Variants in DLG2 observed in about 807,000 individuals in gnomAD.
DLG2 encodes the protein disks large homolog 2.
DLG2 carries 45 observed loss-of-function variants against 132.5 expected under a neutral mutation model. That is an observed-to-expected ratio of 0.34 (90% confidence interval 0.27 to 0.44). The LOEUF (loss-of-function observed/expected upper bound fraction) is 0.44, where lower values mean the gene tolerates loss of function less well. Among genes scored for constraint, DLG2 ranks in the 20% least tolerant of loss-of-function variants. The probability of loss-of-function intolerance (pLI) is 1.00; values close to 1 mark genes in which losing one functional copy is unlikely to be tolerated. For synonymous variants in DLG2, 424 were observed against 419.6 expected, an observed-to-expected ratio of 1.01 and a Z score of -0.13; for missense variants, 1,045 against 1,196.9, an observed-to-expected ratio of 0.87 and a Z score of 1.87.
chr11:85,234,608 C>T (rs896678959), intron 4 of DLG2, among the ~76,000 whole-genome samples: 2 of 151,980 alleles, frequency 1.3e-5, no homozygotes, highest in South Asian at 4.1e-4. Flanking sequence ...TAATTTTCTC[C>T]ACTCTTTCTG....
intron 6 of DLG2, among the ~76,000 whole-genome samples, chr11:84,841,487 C>A (rs1022517936): frequency 3.9e-5 from 6 of 152,054 alleles, no homozygotes; most frequent in South Asian, 4.2e-4. Flanking sequence ...AAAAATTAAA[C>A]ATTACTCTGA....
chr11:85,291,855 G>A (rs967353456), intron 3 of DLG2, among the ~76,000 whole-genome samples: 22 of 152,044 alleles, frequency 1.4e-4, no homozygotes, highest in African/African-American at 5.3e-4. Context: ...AAAGTGCTGG[G>A]ATTACAGGCA....
intron 5 of DLG2, among the ~76,000 whole-genome samples, chr11:85,118,261 T>C (rs750099082): frequency 6.6e-5 from 10 of 152,102 alleles, no homozygotes; most frequent in Non-Finnish European, 1.2e-4. Context: ...AAAATGCTGC[T>C]GACCTATTCT....
chr11:85,410,607 T>C (rs567384192), intron 3 of DLG2, among the ~76,000 whole-genome samples: 55 of 152,008 alleles, frequency 3.6e-4, no homozygotes, highest in African/African-American at 1.3e-3. Flanking sequence ...AACAACTGTA[T>C]ACCAGTGGGT....
intron 4 of DLG2, among the ~76,000 whole-genome samples, chr11:85,215,731 T>C (rs182392179): frequency 6.6e-6 from 1 of 152,154 alleles, no homozygotes; most frequent in Non-Finnish European, 1.5e-5. Context: ...ACAAATTTAC[T>C]CTTCTTTGTT....
intron 6 of DLG2, among the ~76,000 whole-genome samples, chr11:84,541,649 A>G (rs1009884921): frequency 6.6e-6 from 1 of 152,168 alleles, no homozygotes; most frequent in Non-Finnish European, 1.5e-5. Flanking sequence ...CTGAATCTCC[A>G]ATGCCCAACC....
chr11:85,402,422 T>A (rs566349310), intron 3 of DLG2, among the ~76,000 whole-genome samples: 2 of 152,122 alleles, frequency 1.3e-5, no homozygotes, highest in East Asian at 3.9e-4. Context: ...ATTCAGGACA[T>A]AGGCATGTGC....
At chr11:84,082,268 A>C (rs1594847712) in intron 10 of DLG2, among the ~76,000 whole-genome samples, 1 of 152,300 alleles carries the variant, frequency 6.6e-6, no homozygotes, top group East Asian at 1.9e-4. Context: ...TAAATGAAAA[A>C]GGCAGGATAA....
chr11:85,549,183 T>C (rs1239372986), intron 3 of DLG2, among the ~76,000 whole-genome samples: 3 of 152,182 alleles, frequency 2.0e-5, no homozygotes, highest in African/African-American at 2.4e-5. Context: ...GCATAGTATC[T>C]GGGCTGGAGT....
At chr11:83,904,957 G>C (rs560485416) in intron 15 of DLG2, among the ~76,000 whole-genome samples, 1 of 152,112 alleles carries the variant, frequency 6.6e-6, no homozygotes, top group Non-Finnish European at 1.5e-5. Flanking sequence ...CAGTGTAGGA[G>C]GCTTACTTAT....
At chr11:84,530,626 A>G (rs1229362045) in intron 7 of DLG2, among the ~76,000 whole-genome samples, 2 of 152,218 alleles carry the variant, frequency 1.3e-5, no homozygotes, top group African/African-American at 4.8e-5. Flanking sequence ...AAAAAATAAC[A>G]GATGTTGGTG....
chr11:83,757,793 A>G (rs2093713525), intron 18 of DLG2, among the ~76,000 whole-genome samples: 1 of 152,126 alleles, frequency 6.6e-6, no homozygotes, highest in South Asian at 2.1e-4. Flanking sequence ...TGATGCCTAA[A>G]GTTCCTTTAA....
chr11:85,399,286 C>A (rs917661114), intron 3 of DLG2, among the ~76,000 whole-genome samples: 2 of 152,138 alleles, frequency 1.3e-5, no homozygotes, highest in Non-Finnish European at 2.9e-5. Flanking sequence ...AAAGAGGACA[C>A]AAACAAACGA....
At chr11:84,600,168 GAAA>G (rs1565419139) in intron 6 of DLG2, among the ~76,000 whole-genome samples, 2,179 of 110,912 alleles carry the variant, frequency 0.02, 39 homozygotes, top group Middle Eastern at 0.047. Flanking sequence ...AGGAAAGAAA[GAAA>G]GAAAGAAAGA....
At chr11:83,865,886 G>C (rs145135537) in intron 16 of DLG2, among the ~76,000 whole-genome samples, 1 of 152,090 alleles carries the variant, frequency 6.6e-6, no homozygotes, top group Non-Finnish European at 1.5e-5. Flanking sequence ...AGTTCATGTT[G>C]TTCTCATCTG....
intron 18 of DLG2, among the ~76,000 whole-genome samples, chr11:83,712,936 C>A: frequency 6.6e-6 from 1 of 150,534 alleles, no homozygotes; most frequent in Non-Finnish European, 1.5e-5. Flanking sequence ...AATAAACCTG[C>A]GCATCCTGCC....
At chr11:85,535,790 G>T (rs765475386) in intron 3 of DLG2, among the ~76,000 whole-genome samples, 2 of 152,030 alleles carry the variant, frequency 1.3e-5, no homozygotes, top group South Asian at 2.1e-4. Flanking sequence ...TCATACAAAA[G>T]AATAATATCC....
intron 19 of DLG2, among the ~76,000 whole-genome samples, chr11:83,545,945 T>G (rs2141767182): frequency 6.6e-6 from 1 of 152,314 alleles, no homozygotes; most frequent in African/African-American, 2.4e-5. Flanking sequence ...CTGTTTTTAA[T>G]TTGCTTTATG....
Position 83,459,786 on chromosome 11 carries a change from C to G in DLG2, c.*32G>C, listed in dbSNP as rs372485059. 111 of 1,175,178 alleles carry G rather than the reference C, an allele frequency of 9.4e-5. No individual in the cohort carries two copies. The African/African-American group carries it at 1.5e-3, about 16-fold the overall frequency. The allele number at this position is 1,175,178 out of a possible 1,614,324, so 72.8% of individuals were successfully genotyped here. Reference sequence around the variant, plus strand: ...TATATATTTTGTTCTTCTAAATGCTCTTCTGTCGTTGTCAGAGGCGCAGTA... The same window carrying G: ...TATATATTTTGTTCTTCTAAATGCTGTTCTGTCGTTGTCAGAGGCGCAGTA... On this transcript the variant is annotated 3_prime_UTR_variant, in exon 28 of 28. Coordinates refer to ENST00000376104, the MANE Select transcript of DLG2 (RefSeq NM_001142699.3).
Sources: allele counts gnomAD v4.1 joint callset (sites outside exome capture counted in the v4.1 genomes callset), GRCh38; gene constraint gnomAD v4.1.1; transcripts MANE v1.5; gene names NCBI Gene and HGNC (gene_info 2026-07-23, HGNC 2026-07-21).